Variants in LAMA1 observed in about 807,000 individuals in gnomAD.
LAMA1 encodes the protein laminin subunit alpha-1.
A neutral mutation model predicts 348.7 loss-of-function variants in LAMA1; 219 were observed. That is an observed-to-expected ratio of 0.63 (90% CI 0.56 to 0.70). The LOEUF (loss-of-function observed/expected upper bound fraction) is 0.70. Ranked by LOEUF, LAMA1 falls within the 30% of genes least tolerant of loss-of-function variation. LAMA1 has a pLI of 0.00. For missense variants in LAMA1, 3,744 were observed against 3,888.0 expected, an observed-to-expected ratio of 0.96 and a Z score of 0.99; for synonymous variants, 1,487 against 1,491.0, an observed-to-expected ratio of 1.00 and a Z score of 0.06.
chr18:6,943,729 G>A (rs139105711), intron 61 of LAMA1, among the ~76,000 whole-genome samples: 137 of 150,440 alleles, frequency 9.1e-4, no homozygotes, highest in African/African-American at 2.9e-3. Context: ...TGTAATCCCA[G>A]CAACTCAGGA....
chr18:7,018,286 A>G (rs1205928893), intron 19 of LAMA1, among the ~76,000 whole-genome samples: 2 of 137,892 alleles, frequency 1.5e-5, no homozygotes, highest in African/African-American at 5.6e-5. Context: ...CAGTGAGCCA[A>G]GATCACACCA....
chr18:7,001,122 T>A (rs2057805716), intron 30 of LAMA1, among the ~76,000 whole-genome samples: 1 of 150,896 alleles, frequency 6.6e-6, no homozygotes, highest in East Asian at 1.9e-4. Context: ...AATATGGGTA[T>A]GAATAGACGT....
intron 3 of LAMA1, among the ~76,000 whole-genome samples, chr18:7,076,156 A>T (rs1210797114): frequency 6.6e-6 from 1 of 152,210 alleles, no homozygotes; most frequent in Non-Finnish European, 1.5e-5. Flanking sequence ...CTAAGGAAAC[A>T]TGCAGATTTT....
rs2057627632 is a variant in LAMA1 at position 6,965,279 on chromosome 18, T to C, written c.7195+9A>G. Reference sequence around the variant, plus strand: ...GACCGACATCTGGTGAGTCCATCTGTGTCCCTACCTTGCTTCCGGTTTCGC... The same window carrying C: ...GACCGACATCTGGTGAGTCCATCTGCGTCCCTACCTTGCTTCCGGTTTCGC... On this transcript the variant is annotated intron_variant, in intron 50 of 62. Transcript: ENST00000389658. 2.5e-6 allele frequency: 4 copies of C among 1,614,192 alleles called. No individual in the cohort carries two copies. Among genetic ancestry groups the C allele is most frequent in the African/African-American group, 1.3e-5 (1 of 75,066 alleles).
At chr18:6,994,413 G>A (rs1223979188) in intron 34 of LAMA1, among the ~76,000 whole-genome samples, 1 of 152,204 alleles carries the variant, frequency 6.6e-6, no homozygotes, top group African/African-American at 2.4e-5. Flanking sequence ...GAGTAACCCA[G>A]TCTGAGTTTG....
intron 36 of LAMA1, among the ~76,000 whole-genome samples, chr18:6,990,043 T>C (rs887245914): frequency 1.3e-5 from 2 of 152,188 alleles, no homozygotes; most frequent in African/African-American, 4.8e-5. Context: ...TTTTGTTTTG[T>C]TTTGTTTTTG....
rs771517487 is a variant in LAMA1, at chr18:7,024,485, T to C, written c.2403-19A>G. 13 of 1,602,728 alleles carry C rather than the reference T, an allele frequency of 8.1e-6. No individual in the cohort carries two copies. The highest frequency in any genetic ancestry group is 1.1e-5 in the Non-Finnish European group (13 of 1,170,566). ...GCTGAAACTGTCAAAACATTAGAAA[T>C]GAACAAAATTTTCCAATGGATGAAG... On this transcript the variant is annotated intron_variant, in intron 17 of 62. Coordinates refer to ENST00000389658, the MANE Select transcript of LAMA1 (RefSeq NM_005559.4).
chr18:6,942,328 G>A, intron 62 of LAMA1, 89 bp from the exon 63 acceptor site: 1 of 1,408,978 alleles, frequency 7.1e-7, no homozygotes, highest in Non-Finnish European at 9.6e-7. Context: ...ATCTCAAGCG[G>A]GTTTTTTTAT....
At chr18:7,104,124 G>A (rs563582539) in intron 1 of LAMA1, among the ~76,000 whole-genome samples, 17 of 151,760 alleles carry the variant, frequency 1.1e-4, no homozygotes, top group Admixed American at 9.2e-4. Flanking sequence ...GATTACAGGC[G>A]ACCGCCACCA....
intron 55 of LAMA1, among the ~76,000 whole-genome samples, chr18:6,958,177 C>T (rs1354426200): frequency 6.6e-6 from 1 of 152,096 alleles, no homozygotes; most frequent in African/African-American, 2.4e-5. Context: ...ATCACAAAAT[C>T]CCTATGTTCC....
In LAMA1 at chr18:6,986,169, G is replaced by A. The variant is rs369357307; in HGVS notation, c.5347C>T (p.Leu1783Phe). Residue 1783 changes from leucine (L) to phenylalanine (F), a missense_variant, in exon 37 of 63, where the codon CTC becomes TTC. Transcript: ENST00000389658. Reference sequence around the variant, plus strand: ...TCTCTCAGATTAGCATTGACCATGAGCAGCAGGTGGTTGCTTTCCTGCATC... The same window carrying A: ...TCTCTCAGATTAGCATTGACCATGAACAGCAGGTGGTTGCTTTCCTGCATC... ...AKMQESNHLL[L>F]MVNANLREFS... 6.2e-7 allele frequency: 1 copy of A among 1,614,094 alleles called. No homozygotes were observed. Among genetic ancestry groups the A allele is most frequent in the Non-Finnish European group, 8.5e-7 (1 of 1,180,044 alleles).
chr18:7,077,508 T>C (rs1383380716), intron 3 of LAMA1, among the ~76,000 whole-genome samples: 1 of 152,136 alleles, frequency 6.6e-6, no homozygotes, highest in East Asian at 1.9e-4. Context: ...CCTGGCTGTC[T>C]ATGCTTATTT....
chr18:7,040,280 AG>A (rs745404680), intron 9 of LAMA1, 44 bp from the exon 10 acceptor site: 95 of 1,607,488 alleles, frequency 5.9e-5, no homozygotes, highest in Non-Finnish European at 7.1e-5. Flanking sequence ...AAGGCAAAAG[AG>A]GTTTAAAGCA....
intron 1 of LAMA1, among the ~76,000 whole-genome samples, chr18:7,114,239 G>T (rs1002212314): frequency 6.6e-6 from 1 of 152,142 alleles, no homozygotes; most frequent in Non-Finnish European, 1.5e-5. Context: ...ATCATGCACT[G>T]AGTACCTATG....
At chr18:6,963,104 T>C (rs1456771447) in intron 51 of LAMA1, among the ~76,000 whole-genome samples, 1 of 152,082 alleles carries the variant, frequency 6.6e-6, no homozygotes, top group Non-Finnish European at 1.5e-5. Flanking sequence ...TATGGACCAT[T>C]AAGCAACTAT....
At chr18:6,945,280 T>C (rs201564545) in intron 61 of LAMA1, among the ~76,000 whole-genome samples, 2 of 152,290 alleles carry the variant, frequency 1.3e-5, no homozygotes, top group East Asian at 3.9e-4. Context: ...AAGTTGGCTG[T>C]AAGTCAGTGT....
In LAMA1 at chr18:6,951,661, TC is replaced by T. The variant is rs869055701; in HGVS notation, c.8208-691del. 1.9e-3 allele frequency among the ~76,000 whole-genome samples: 131 copies of T among 67,430 alleles called. 1 individual carries two copies. Among genetic ancestry groups the T allele is most frequent in the African/African-American group, 4.7e-3 (123 of 26,366 alleles). The allele number at this position is 67,430 out of a possible 152,430, so 44.2% of individuals were successfully genotyped here. The stretch of plus-strand genomic sequence containing the variant: ...CTAAACTGAAGAACAGGTCAGGGGG[TC>T]AGGGGTGAAGCGGGTCCCATCAGGC... On this transcript the variant is annotated intron_variant, in intron 57 of 62. Transcript: ENST00000389658.
At chr18:7,011,511 C>CA (rs765754811) in intron 24 of LAMA1, 32 bp from the exon 25 acceptor site, 6 of 1,571,686 alleles carry the variant, frequency 3.8e-6, no homozygotes, top group Non-Finnish European at 5.2e-6. Flanking sequence ...AAGTGCACTT[C>CA]AAAATGCGAA....
intron 3 of LAMA1, among the ~76,000 whole-genome samples, chr18:7,052,504 A>G (rs551145676): frequency 1.6e-4 from 24 of 152,074 alleles, no homozygotes; most frequent in African/African-American, 4.6e-4. Context: ...AGGCAGGCAG[A>G]TCAGCTGAGG....
Sources: gnomAD v4.1 joint callset for allele counts (sites outside exome capture counted in the v4.1 genomes callset) on GRCh38, gnomAD v4.1.1 for gene constraint, MANE v1.5 for transcripts, NCBI Gene and HGNC (gene_info 2026-07-23, HGNC 2026-07-21) for gene names.